ZNF433: variants seen among roughly 807,000 people sequenced by gnomAD.
ZNF433 encodes the protein zinc finger protein 433.
ZNF433 carries 12 observed loss-of-function variants against 10.6 expected under a neutral mutation model. The observed-to-expected ratio is 1.13, with a 90% CI of 0.72 to 1.83. The LOEUF is 1.83. Ranked by LOEUF, ZNF433 falls within the 40% of genes most tolerant of loss-of-function variation. The pLI is 0.00. For synonymous variants in ZNF433, 272 were observed against 271.3 expected (o/e 1.00, Z -0.02); for missense variants, 737 against 798.0 (o/e 0.92, Z 0.92).
At position 12,015,382 on chromosome 19, in the gene ZNF433, T is replaced by G; in HGVS notation, c.1476A>C (p.Arg492Ser). The G allele has an allele frequency of 1.9e-6, 3 of 1,614,206 alleles. No individual in the cohort carries two copies. The highest frequency in any genetic ancestry group is 2.5e-6 in the Non-Finnish European group (3 of 1,180,038). ...KTFSLPSLFH[R>S]HERTHTGGKT... ...TTCCTCCAGTGTGAGTCCTTTCATG[T>G]CTATGAAATAAACTGGGCAAACTGA... is the stretch of plus-strand genomic sequence containing the variant. The change falls in exon 4 of 4, where the codon AGA becomes AGC. Residue 492 changes from arginine (R) to serine (S), a missense_variant. Arg to Ser is a moderately radical substitution (Grantham distance 110, BLOSUM62 -1). Transcript: ENST00000550507.
intron 1 of ZNF433, chr19:12,023,048 A>G (rs1396628442): frequency 6.6e-5 from 10 of 152,208 alleles, no homozygotes; most frequent in African/African-American, 2.4e-4. Context: ...CTATAGCTAC[A>G]TTTGAGCCTT....
intron 1 of ZNF433, among the ~76,000 whole-genome samples, chr19:12,034,344 C>T (rs1355518700): frequency 6.6e-6 from 1 of 152,162 alleles, no homozygotes; most frequent in Admixed American, 6.5e-5. Context: ...TAATGTGACT[C>T]TGGAATTGAG....
chr19:12,034,568 G>C (rs1350964054), intron 1 of ZNF433: 3 of 298,458 alleles, frequency 1.0e-5, no homozygotes, highest in Non-Finnish European at 2.0e-5. Context: ...TTACAAACAA[G>C]ACCTAAGGCC....
chr19:12,026,482 T>G, intron 1 of ZNF433: 1 of 339,924 alleles, frequency 2.9e-6, no homozygotes, highest in Non-Finnish European at 5.8e-6. Flanking sequence ...TGAGTATTCC[T>G]TCAACAAGGG....
At chr19:12,029,447 G>A (rs774739678) in intron 1 of ZNF433, among the ~76,000 whole-genome samples, 14 of 146,312 alleles carry the variant, frequency 9.6e-5, no homozygotes, top group Non-Finnish European at 1.0e-4. Context: ...ACTTGAACCC[G>A]GGAGGCGGAA....
intron 1 of ZNF433, among the ~76,000 whole-genome samples, chr19:12,033,413 C>T (rs371454479): frequency 2.0e-5 from 3 of 152,080 alleles, no homozygotes; most frequent in Admixed American, 6.6e-5. Flanking sequence ...TTTTCATTTA[C>T]GAGGCTGAGG....
Position 12,016,080 on chromosome 19 carries a change from A to G in ZNF433, c.778T>C (p.Phe260Leu), listed in dbSNP as rs774194499. 9.9e-6 allele frequency: 16 copies of G among 1,614,030 alleles called. No individual in the cohort carries two copies. Among genetic ancestry groups the G allele is most frequent in the Admixed American group, 1.7e-5 (1 of 59,994 alleles). The part of the protein sequence containing the change: ...PYKCNECGKA[F>L]HSSTCLHAHK... ...GCATGAAGGCATGTGGAACTATGGA[A>G]TGCTTTCCCACATTCATTACATTTA... The change falls in exon 4 of 4, where the codon TTC (phenylalanine) becomes CTC (leucine). Residue 260 changes from phenylalanine to leucine, a missense_variant. Transcript: ENST00000550507.
intron 1 of ZNF433, chr19:12,018,583 C>T (rs77193050): frequency 0.047 from 11,271 of 237,438 alleles, 388 homozygotes; most frequent in Admixed American, 0.097. Context: ...AGTGGGAGTA[C>T]GGCACCTGCC....
chr19:12,014,798 T>C lies in ZNF433; in HGVS notation c.*47A>G, dbSNP rs1408184667. The C allele has an allele frequency of 9.8e-6, 14 of 1,422,116 alleles. No homozygotes were observed. The highest frequency in any genetic ancestry group is 1.3e-5 in the Non-Finnish European group (14 of 1,066,548). The allele number at this position is 1,422,116 out of a possible 1,614,324, so 88.1% of individuals were successfully genotyped here. On this transcript the variant is annotated 3_prime_UTR_variant, in exon 4 of 4. Transcript: ENST00000550507. ...TATGTTGCCCAGGCTGGTCTTGAAC[T>C]CCTGGGCTTAAGCAGTCCCCCCACC... is the stretch of plus-strand genomic sequence containing the variant.
chr19:12,019,052 TAA>T (rs754859866), intron 1 of ZNF433, among the ~76,000 whole-genome samples: 27 of 62,814 alleles, frequency 4.3e-4, no homozygotes, highest in African/African-American at 7.2e-4. Context: ...TCCATCTTAA[TAA>T]AAAAAAAAAA....
chr19:12,015,544 A>G lies in ZNF433; in HGVS notation c.1314T>C (p.Gly438=). The change falls in exon 4 of 4, where the codon GGT becomes GGC. Residue 438 remains glycine, a synonymous_variant. Coordinates refer to ENST00000550507, the MANE Select transcript of ZNF433 (RefSeq NM_001308348.2). ...AGGGTTTCTCTCCCGTGTGAGTCCT[A>G]CCATGTGTTTGAAGGAGTGAGGCAG... ...FRSASLLQTH[G]RTHTGEKPYA... 1 of 1,596,924 alleles carries G rather than the reference A, an allele frequency of 6.3e-7. No homozygotes were observed. Among genetic ancestry groups the G allele is most frequent in the Non-Finnish European group, 8.5e-7 (1 of 1,173,576 alleles).
intron 1 of ZNF433, chr19:12,030,105 A>T: frequency 2.7e-6 from 1 of 374,542 alleles, no homozygotes; most frequent in Non-Finnish European, 5.1e-6. Context: ...AAAAAAAAAA[A>T]ATAGCCATCT....
At chr19:12,026,602 G>A in intron 1 of ZNF433, 2 of 425,106 alleles carry the variant, frequency 4.7e-6, no homozygotes, top group Non-Finnish European at 9.4e-6. Context: ...TCTGGTCTCA[G>A]TATTTACCAT....
chr19:12,032,556 T>C (rs1393379727), intron 1 of ZNF433, among the ~76,000 whole-genome samples: 1 of 151,626 alleles, frequency 6.6e-6, no homozygotes, highest in Admixed American at 6.6e-5. Context: ...CAATGTCAGC[T>C]CACTGCAGCC....
At chr19:12,028,108 T>C in intron 1 of ZNF433, 1 of 152,120 alleles carries the variant, frequency 6.6e-6, no homozygotes, top group South Asian at 2.1e-4. Context: ...AGTGGTATGA[T>C]CATATTTCAC....
At chr19:12,028,626 ATTT>A (rs1974852547) in intron 1 of ZNF433, among the ~76,000 whole-genome samples, 1 of 152,230 alleles carries the variant, frequency 6.6e-6, no homozygotes, top group African/African-American at 2.4e-5. Context: ...ACTGAATATA[ATTT>A]TTAAAAAGAC....
chr19:12,034,081 A>T (rs530091471), intron 1 of ZNF433, among the ~76,000 whole-genome samples: 3 of 152,188 alleles, frequency 2.0e-5, no homozygotes, highest in Non-Finnish European at 4.4e-5. Flanking sequence ...GTACTCTAAG[A>T]TCTTGGCCAA....
rs765852291 is a variant in ZNF433 at position 12,015,059 on chromosome 19, GA to G, written c.1798del (p.Ser600ArgfsTer68). ...AGTCCTTCCATGCATTTGAAGTCGC[GA>G]GGCACATCCAAAAGACTTCCCACAC... is the stretch of plus-strand genomic sequence containing the variant. The part of the protein sequence containing the change: ...KQCGKSFGCA[S>X]RLQMHGRTHT... On this transcript the variant is annotated frameshift_variant, in exon 4 of 4. Transcript: ENST00000550507. LOFTEE classifies it low-confidence loss of function (END_TRUNC). 3 of 1,613,500 alleles carry G rather than the reference GA, an allele frequency of 1.9e-6. 1 individual carries two copies. In the South Asian group the frequency reaches 3.3e-5, roughly 18 times the overall value.
intron 3 of ZNF433, among the ~76,000 whole-genome samples, 167 bp downstream of exon 3, chr19:12,017,709 G>C (rs1028350265): frequency 6.6e-6 from 1 of 151,830 alleles, no homozygotes; most frequent in African/African-American, 2.4e-5. Flanking sequence ...CTGGGCCATT[G>C]TGTCAAGCCT....
Sources: gnomAD v4.1 joint callset for allele counts (sites outside exome capture counted in the v4.1 genomes callset) on GRCh38, gnomAD v4.1.1 for gene constraint, MANE v1.5 for transcripts, NCBI Gene and HGNC (gene_info 2026-07-23, HGNC 2026-07-21) for gene names.